The following ADAMTSL1 variants were observed in gnomAD, a reference collection of about 807,000 sequenced individuals.
ADAMTSL1 encodes ADAMTS like 1, also known as ADAMTS-like protein 1.
A neutral mutation model predicts 201.8 loss-of-function variants in ADAMTSL1; 126 were observed. The observed-to-expected ratio is 0.62, with a 90% CI of 0.54 to 0.72. ADAMTSL1 has a LOEUF of 0.72. ADAMTSL1 is among the 30% of genes least tolerant of loss of function. The pLI is 0.00. For synonymous variants in ADAMTSL1, 1,121 were observed against 903.4 expected (o/e 1.24, Z -4.32); for missense variants, 2,679 against 2,277.8 (o/e 1.18, Z -3.59).
At chr9:18,317,481 G>C (rs1488922274) in intron 2 of ADAMTSL1, among the ~76,000 whole-genome samples, 1 of 152,048 alleles carries the variant, frequency 6.6e-6, no homozygotes, top group Non-Finnish European at 1.5e-5. Flanking sequence ...ATTTGATTGT[G>C]ATAATCATTT....
chr9:18,157,404 A>G (rs1458243147), intron 1 of ADAMTSL1, among the ~76,000 whole-genome samples: 1 of 151,956 alleles, frequency 6.6e-6, no homozygotes, highest in Non-Finnish European at 1.5e-5. Flanking sequence ...TTTAAACATA[A>G]GTTTGTTCCC....
intron 1 of ADAMTSL1, among the ~76,000 whole-genome samples, chr9:18,099,355 A>ATATATATATATATATTTTTT (rs1239180390): frequency 2.2e-5 from 1 of 45,546 alleles, no homozygotes; most frequent in African/African-American, 8.1e-5. Context: ...ATATATATAT[A>ATATATATATATATATTTTTT]TTTTTTTTTT....
chr9:18,034,656 C>A (rs1821118013), intron 1 of ADAMTSL1, among the ~76,000 whole-genome samples: 1 of 152,070 alleles, frequency 6.6e-6, no homozygotes, highest in Non-Finnish European at 1.5e-5. Flanking sequence ...ATCATTAAGT[C>A]CTAATAGTTT....
At chr9:18,273,791 T>A (rs1489771309) in intron 2 of ADAMTSL1, among the ~76,000 whole-genome samples, 4 of 152,190 alleles carry the variant, frequency 2.6e-5, no homozygotes, top group Admixed American at 6.5e-5. Flanking sequence ...CAAAATGTAA[T>A]GTGAAGGCTC....
chr9:18,166,091 T>C (rs1827614881), intron 2 of ADAMTSL1, among the ~76,000 whole-genome samples: 1 of 151,922 alleles, frequency 6.6e-6, no homozygotes, highest in African/African-American at 2.4e-5. Flanking sequence ...TTGAGCAGCA[T>C]ACTCTGTTTG....
chr9:18,889,651 C>G lies in ADAMTSL1; in HGVS notation c.4546C>G (p.Leu1516Val). 5.0e-6 allele frequency: 8 copies of G among 1,612,502 alleles called. No individual in the cohort carries two copies. Among genetic ancestry groups the G allele is most frequent in the Non-Finnish European group, 5.1e-6 (6 of 1,179,262 alleles). The change falls in exon 25 of 29, where the codon CTG becomes GTG. Residue 1516 changes from leucine to valine, a missense_variant. By Grantham distance (32) the Leu-to-Val change is conservative. Coordinates refer to ENST00000380548, the MANE Select transcript of ADAMTSL1 (RefSeq NM_001040272.6). ...RGVQQPRLRC[L>V]LNSTEVNPAH... ...GGTTCAGCAGCCCCGCTTGAGGTGC[C>G]TGCTGAACAGCACGGAGGTCAACCC...
At chr9:18,211,532 T>C (rs1829869671) in intron 2 of ADAMTSL1, among the ~76,000 whole-genome samples, 1 of 152,218 alleles carries the variant, frequency 6.6e-6, no homozygotes, top group Non-Finnish European at 1.5e-5. Flanking sequence ...TCTTCTGAGC[T>C]CTGTCCTCTA....
chr9:18,766,087 A>G (rs996266250), intron 16 of ADAMTSL1, among the ~76,000 whole-genome samples: 2 of 152,108 alleles, frequency 1.3e-5, no homozygotes, highest in Admixed American at 1.3e-4. Context: ...ACACAGGGAA[A>G]GGGGGGGTGT....
At chr9:17,926,338 A>T (rs1337203806) in intron 1 of ADAMTSL1, among the ~76,000 whole-genome samples, 1 of 152,198 alleles carries the variant, frequency 6.6e-6, no homozygotes, top group Non-Finnish European at 1.5e-5. Flanking sequence ...ATCATGCTGT[A>T]ATAGCAAATA....
intron 2 of ADAMTSL1, among the ~76,000 whole-genome samples, chr9:18,316,044 T>A (rs1322137200): frequency 1.3e-5 from 2 of 152,148 alleles, no homozygotes; most frequent in African/African-American, 2.4e-5. Flanking sequence ...AGACATCACA[T>A]GTCGGTAGGT....
At chr9:18,533,645 A>G (rs1300792024) in intron 3 of ADAMTSL1, among the ~76,000 whole-genome samples, 2 of 152,186 alleles carry the variant, frequency 1.3e-5, no homozygotes, top group African/African-American at 4.8e-5. Context: ...TCAAACTCAG[A>G]TTTGACAAAC....
chr9:18,640,053 T>C (rs1459859173), intron 7 of ADAMTSL1, among the ~76,000 whole-genome samples: 1 of 152,156 alleles, frequency 6.6e-6, no homozygotes, highest in African/African-American at 2.4e-5. Flanking sequence ...AAACTTGTAA[T>C]GTGTCCAGGA....
At chr9:18,511,735 A>G (rs1818035222) in intron 2 of ADAMTSL1, among the ~76,000 whole-genome samples, 1 of 152,202 alleles carries the variant, frequency 6.6e-6, no homozygotes, top group South Asian at 2.1e-4. Context: ...TGCCATGAAA[A>G]TATTGATACA....
At chr9:18,403,156 C>G (rs12353361) in intron 2 of ADAMTSL1, among the ~76,000 whole-genome samples, 39,266 of 148,510 alleles carry the variant, frequency 0.26, 5,402 homozygotes, top group Non-Finnish European at 0.31. Context: ...TTCTTGTAAT[C>G]TTTTTTTTTT....
chr9:18,129,292 G>A (rs772529385), intron 1 of ADAMTSL1, among the ~76,000 whole-genome samples: 4 of 152,132 alleles, frequency 2.6e-5, no homozygotes, highest in Non-Finnish European at 5.9e-5. Context: ...AGTGAGGTTC[G>A]GAATTGCAGG....
chr9:18,874,269 T>C (rs1001952259), intron 23 of ADAMTSL1, among the ~76,000 whole-genome samples: 47 of 152,266 alleles, frequency 3.1e-4, no homozygotes, highest in African/African-American at 1.1e-3. Context: ...CTTTACCGAT[T>C]TGGATGCGCT....
chr9:17,979,247 T>C (rs1427972301), intron 1 of ADAMTSL1, among the ~76,000 whole-genome samples: 2 of 152,102 alleles, frequency 1.3e-5, no homozygotes, highest in Non-Finnish European at 2.9e-5. Context: ...ATTATTTCTT[T>C]ATATATTACC....
chr9:18,433,142 G>A (rs1819571242), intron 2 of ADAMTSL1, among the ~76,000 whole-genome samples: 1 of 151,946 alleles, frequency 6.6e-6, no homozygotes, highest in Admixed American at 6.6e-5. Flanking sequence ...AGATGAGTAG[G>A]CTTTTATAAA....
At chr9:18,244,108 TGTAC>T (rs200325021) in intron 2 of ADAMTSL1, among the ~76,000 whole-genome samples, 1 of 111,396 alleles carries the variant, frequency 9.0e-6, no homozygotes, top group East Asian at 3.8e-4. Context: ...TGTGTGTGTG[TGTAC>T]GTGTGTGTGT....
Sources: allele counts gnomAD v4.1 joint callset (sites outside exome capture counted in the v4.1 genomes callset), GRCh38; gene constraint gnomAD v4.1.1; transcripts MANE v1.5; gene names NCBI Gene and HGNC (gene_info 2026-07-23, HGNC 2026-07-21).